CNTNAP5: variants seen among roughly 807,000 people sequenced by gnomAD.
The protein encoded by CNTNAP5 is contactin-associated protein-like 5.
A neutral mutation model predicts 150.2 loss-of-function variants in CNTNAP5; 72 were observed. The observed-to-expected ratio is 0.48, with a 90% CI of 0.40 to 0.58. The LOEUF is 0.58. Among genes scored for constraint, CNTNAP5 ranks in the 20% least tolerant of loss-of-function variants. The pLI, the probability that CNTNAP5 is intolerant of heterozygous loss-of-function variation, is 0.00. For missense variants in CNTNAP5, 1,636 were observed against 1,626.2 expected, an observed-to-expected ratio of 1.01 and a Z score of -0.10; for synonymous variants, 672 against 619.8, an observed-to-expected ratio of 1.08 and a Z score of -1.25.
intron 2 of CNTNAP5, among the ~76,000 whole-genome samples, chr2:124,229,392 G>A (rs1469652284): frequency 3.3e-5 from 5 of 152,100 alleles, no homozygotes; most frequent in Non-Finnish European, 7.4e-5. Context: ...AACTATAATA[G>A]TCTCCATGCT....
intron 7 of CNTNAP5, among the ~76,000 whole-genome samples, chr2:124,486,754 A>G (rs565856662): frequency 2.1e-4 from 32 of 152,296 alleles, no homozygotes; most frequent in African/African-American, 7.5e-4. Flanking sequence ...TAAAATGTCA[A>G]TTTATTTAAC....
chr2:124,842,951 G>A (rs368329565), intron 19 of CNTNAP5, among the ~76,000 whole-genome samples: 3 of 151,604 alleles, frequency 2.0e-5, no homozygotes, highest in Middle Eastern at 3.2e-3. Flanking sequence ...GTGGTGTTTG[G>A]TTACATGAAT....
At chr2:124,620,376 T>C in intron 12 of CNTNAP5, among the ~76,000 whole-genome samples, 1 of 152,136 alleles carries the variant, frequency 6.6e-6, no homozygotes, top group East Asian at 1.9e-4. Context: ...TTCCTACTCT[T>C]TGCAATGCCT....
intron 8 of CNTNAP5, among the ~76,000 whole-genome samples, chr2:124,514,908 G>C (rs2104875961): frequency 6.6e-6 from 1 of 152,282 alleles, no homozygotes; most frequent in Middle Eastern, 3.4e-3. Context: ...ATCTTGGAGA[G>C]AATAGGGAAA....
At chr2:124,077,928 T>A (rs1055920607) in intron 1 of CNTNAP5, among the ~76,000 whole-genome samples, 3 of 152,222 alleles carry the variant, frequency 2.0e-5, no homozygotes, top group Non-Finnish European at 4.4e-5. Flanking sequence ...CATATGGACA[T>A]GGTTTACCAT....
At chr2:124,405,233 T>C (rs1308875119) in intron 3 of CNTNAP5, among the ~76,000 whole-genome samples, 2 of 152,138 alleles carry the variant, frequency 1.3e-5, no homozygotes, top group East Asian at 1.9e-4. Context: ...GTTTGTAAGA[T>C]GTACTGCAAA....
chr2:124,651,049 C>T (rs991486948), intron 13 of CNTNAP5, among the ~76,000 whole-genome samples: 2 of 152,194 alleles, frequency 1.3e-5, no homozygotes, highest in African/African-American at 4.8e-5. Context: ...CCCAACGACA[C>T]TATGAGACTG....
chr2:124,456,023 C>T lies in CNTNAP5; in HGVS notation c.918+9086C>T, dbSNP rs951036113. ...CTGGAACAAGACAAGGATGCCCGCT[C>T]TCACCACTCCTCTTCAACATAGCAC... is the stretch of plus-strand genomic sequence containing the variant. On this transcript the variant is annotated intron_variant, in intron 6 of 23. Coordinates refer to ENST00000682447, the MANE Select transcript of CNTNAP5 (RefSeq NM_001367498.1). Among the ~76,000 whole-genome samples the T allele has an allele frequency of 5.9e-5, 9 of 152,114 alleles. No homozygotes were observed. In the East Asian group the frequency reaches 7.7e-4, roughly 13 times the overall value.
intron 3 of CNTNAP5, among the ~76,000 whole-genome samples, chr2:124,342,967 A>G (rs1323429861): frequency 6.6e-6 from 1 of 152,174 alleles, no homozygotes; most frequent in Non-Finnish European, 1.5e-5. Flanking sequence ...CAAAGTTTTC[A>G]GAAACCTGTA....
Position 124,738,728 on chromosome 2 carries a change from C to CAAAA in CNTNAP5, c.2078-8491_2078-8488dup, listed in dbSNP as rs35823681. Among the ~76,000 whole-genome samples, 648 of 130,092 alleles carry CAAAA rather than the reference C, an allele frequency of 5.0e-3. 3 individuals carry two copies. The highest frequency in any genetic ancestry group is 7.6e-3 in the Non-Finnish European group (468 of 61,866). The allele number at this position is 130,092 out of a possible 152,430, so 85.3% of individuals were successfully genotyped here. On this transcript the variant is annotated intron_variant, in intron 13 of 23. Coordinates refer to ENST00000682447, the MANE Select transcript of CNTNAP5 (RefSeq NM_001367498.1). ...CCTGGGAGACAGAGTGAGACTCCAT[C>CAAAA]AAAAAAAAAAAAAGAAAGAAAGAAA...
chr2:124,785,041 GA>G (rs67254743), intron 17 of CNTNAP5, among the ~76,000 whole-genome samples: 14,561 of 123,482 alleles, frequency 0.12, 1,416 homozygotes, highest in African/African-American at 0.3. Flanking sequence ...TTAAGGCTGA[GA>G]AAAAAAAAAA....
At chr2:124,502,818 G>A (rs1427058879) in intron 7 of CNTNAP5, among the ~76,000 whole-genome samples, 1 of 152,138 alleles carries the variant, frequency 6.6e-6, no homozygotes, top group Non-Finnish European at 1.5e-5. Context: ...AGAGGATGGA[G>A]GTATCAGAGA....
intron 19 of CNTNAP5, among the ~76,000 whole-genome samples, chr2:124,820,077 T>TAGA (rs1344990758): frequency 6.6e-6 from 1 of 152,170 alleles, no homozygotes; most frequent in Non-Finnish European, 1.5e-5. Flanking sequence ...GACAAACAAA[T>TAGA]AGAACTTCCA....
chr2:124,148,690 G>A (rs1684322264), intron 1 of CNTNAP5, among the ~76,000 whole-genome samples: 1 of 150,014 alleles, frequency 6.7e-6, no homozygotes, highest in Non-Finnish European at 1.5e-5. Flanking sequence ...ATATATATAT[G>A]CACTATTGCA....
intron 13 of CNTNAP5, among the ~76,000 whole-genome samples, chr2:124,712,745 CTT>C (rs59437788): frequency 6.8e-5 from 10 of 146,766 alleles, no homozygotes; most frequent in African/African-American, 7.5e-5. Flanking sequence ...CACTCTCAGC[CTT>C]TTTTTTTTTT....
At chr2:124,432,576 T>C (rs1692418396) in intron 4 of CNTNAP5, among the ~76,000 whole-genome samples, 1 of 152,194 alleles carries the variant, frequency 6.6e-6, no homozygotes, top group African/African-American at 2.4e-5. Context: ...TTCCACTCAC[T>C]GCTGGGCACT....
chr2:124,684,804 A>C (rs1439552022), intron 13 of CNTNAP5, among the ~76,000 whole-genome samples: 1 of 152,198 alleles, frequency 6.6e-6, no homozygotes, highest in Non-Finnish European at 1.5e-5. Flanking sequence ...ACAAACTGTA[A>C]GGTGGCAATT....
intron 6 of CNTNAP5, among the ~76,000 whole-genome samples, chr2:124,471,370 C>T (rs895035992): frequency 1.3e-5 from 2 of 151,976 alleles, no homozygotes; most frequent in Admixed American, 1.3e-4. Context: ...CTTGGCTTGC[C>T]TGTTGTTGGT....
chr2:124,435,900 A>G (rs1460768515), intron 5 of CNTNAP5, among the ~76,000 whole-genome samples: 1 of 152,206 alleles, frequency 6.6e-6, no homozygotes, highest in Admixed American at 6.5e-5. Flanking sequence ...TATTAGATAT[A>G]CACACCAAAA....
Sources: allele counts gnomAD v4.1 joint callset (sites outside exome capture counted in the v4.1 genomes callset), GRCh38; gene constraint gnomAD v4.1.1; transcripts MANE v1.5; gene names NCBI Gene and HGNC (gene_info 2026-07-23, HGNC 2026-07-21).